RBFOX3: variants seen among roughly 807,000 people sequenced by gnomAD.
RBFOX3 encodes the protein RNA binding fox-1 homolog 3.
In RBFOX3, 17 loss-of-function variants were observed where a neutral mutation model predicts 48.7. That is an observed-to-expected ratio of 0.35 (90% CI 0.24 to 0.52). RBFOX3 has a LOEUF of 0.52. RBFOX3 is among the 20% of genes least tolerant of loss of function. The probability of loss-of-function intolerance (pLI) is 0.94; values close to 1 mark genes in which losing one functional copy is unlikely to be tolerated. For synonymous variants in RBFOX3, 212 were observed against 209.5 expected, an observed-to-expected ratio of 1.01 and a Z score of -0.10; for missense variants, 382 against 497.5, an observed-to-expected ratio of 0.77 and a Z score of 2.21.
chr17:79,276,730 A>C (rs1299971304), intron 3 of RBFOX3, among the ~76,000 whole-genome samples: 1 of 152,146 alleles, frequency 6.6e-6, no homozygotes, highest in African/African-American at 2.4e-5. Context: ...AACCAAAACC[A>C]AAAATCAAGA....
chr17:79,128,457 C>T (rs2037911458), intron 4 of RBFOX3, among the ~76,000 whole-genome samples: 1 of 152,140 alleles, frequency 6.6e-6, no homozygotes. Context: ...GGCAGGGGGA[C>T]AGGAGGGCCC....
chr17:79,174,406 A>T (rs888978767), intron 4 of RBFOX3, among the ~76,000 whole-genome samples: 9 of 151,658 alleles, frequency 5.9e-5, no homozygotes, highest in African/African-American at 2.2e-4. Context: ...TCTCACACTC[A>T]GACACGCACA....
the RBFOX3 span, among the ~76,000 whole-genome samples, chr17:79,619,893 T>C: frequency 6.6e-6 from 1 of 152,206 alleles, no homozygotes; most frequent in East Asian, 1.9e-4. Flanking sequence ...AGGTTGGAGT[T>C]CAGACCTACC....
chr17:79,552,348 A>T (rs1173160071), intron 1 of RBFOX3, among the ~76,000 whole-genome samples: 3 of 152,232 alleles, frequency 2.0e-5, no homozygotes, highest in African/African-American at 7.2e-5. Context: ...TAAATGACTT[A>T]AAATAATGGC....
intron 4 of RBFOX3, among the ~76,000 whole-genome samples, chr17:79,123,644 T>C (rs917697404): frequency 6.6e-6 from 1 of 150,946 alleles, no homozygotes; most frequent in African/African-American, 2.4e-5. Flanking sequence ...CTGACCAAGC[T>C]CTAGTGTACC....
At chr17:79,256,146 A>G (rs1378907) in intron 3 of RBFOX3, among the ~76,000 whole-genome samples, 147,685 of 151,860 alleles carry the variant, frequency 0.97, 71,948 homozygotes, top group Middle Eastern at 1. Context: ...CCAGGTGTGC[A>G]CCCCCGCCTT....
At chr17:79,118,816 A>AT (rs916196849) in intron 4 of RBFOX3, among the ~76,000 whole-genome samples, 1 of 33,128 alleles carries the variant, frequency 3.0e-5, no homozygotes, top group African/African-American at 1.1e-4. Flanking sequence ...ACAAAAAATA[A>AT]AAAAAAAAAA....
At chr17:79,567,474 C>A (rs879092614) in intron 1 of RBFOX3, among the ~76,000 whole-genome samples, 1 of 151,998 alleles carries the variant, frequency 6.6e-6, no homozygotes, top group South Asian at 2.1e-4. Flanking sequence ...CGTGAGCCAC[C>A]GCACCCAGCC....
chr17:79,324,751 C>A (rs2079052008), intron 2 of RBFOX3, among the ~76,000 whole-genome samples: 1 of 152,218 alleles, frequency 6.6e-6, no homozygotes. Flanking sequence ...CGGCCACAAG[C>A]CAACACCTGG....
At chr17:79,320,031 G>A (rs1308699230) in intron 2 of RBFOX3, among the ~76,000 whole-genome samples, 2 of 151,874 alleles carry the variant, frequency 1.3e-5, no homozygotes, top group Admixed American at 1.3e-4. Flanking sequence ...TGGGCTGCTG[G>A]TCTATGTCTG....
At chr17:79,546,559 G>A (rs12603879) in intron 1 of RBFOX3, among the ~76,000 whole-genome samples, 1 of 145,832 alleles carries the variant, frequency 6.9e-6, no homozygotes, top group Non-Finnish European at 1.5e-5. Context: ...TCTGTAGCCC[G>A]CTCCACGCCC....
At chr17:79,489,751 C>G (rs2080212602) in intron 1 of RBFOX3, among the ~76,000 whole-genome samples, 1 of 152,216 alleles carries the variant, frequency 6.6e-6, no homozygotes. Context: ...TTTTCTTACA[C>G]TAGCTTCTCC....
At chr17:79,587,816 A>G (rs888875028) in intron 1 of RBFOX3, among the ~76,000 whole-genome samples, 23 of 152,318 alleles carry the variant, frequency 1.5e-4, no homozygotes, top group African/African-American at 5.5e-4. Flanking sequence ...AGACGGAGCT[A>G]CTTCACGGGA....
At chr17:79,452,898 G>A (rs1457665615) in intron 2 of RBFOX3, among the ~76,000 whole-genome samples, 1 of 152,200 alleles carries the variant, frequency 6.6e-6, no homozygotes, top group Non-Finnish European at 1.5e-5. Context: ...TGGAGAGGAA[G>A]CAGCACCGTG....
At chr17:79,509,711 G>C (rs1398749547) in intron 1 of RBFOX3, among the ~76,000 whole-genome samples, 2 of 151,806 alleles carry the variant, frequency 1.3e-5, no homozygotes, top group African/African-American at 2.4e-5. Context: ...TCGCACCCCA[G>C]GCCCTCGGTG....
intron 4 of RBFOX3, among the ~76,000 whole-genome samples, chr17:79,131,582 G>T (rs1795958): frequency 0.58 from 87,526 of 152,134 alleles, 26,028 homozygotes; most frequent in Non-Finnish European, 0.62. Flanking sequence ...TCTCTCACAC[G>T]TTAGGAAGCC....
intron 1 of RBFOX3, among the ~76,000 whole-genome samples, chr17:79,559,942 A>G (rs2092094266): frequency 7.5e-6 from 1 of 132,984 alleles, no homozygotes; most frequent in Non-Finnish European, 1.6e-5. Context: ...GGGTAGGTGG[A>G]TGGTCGGTGG....
rs1281442722 is a variant in RBFOX3, at chr17:79,220,615, G to GT, written c.-34+15150dup. Among the ~76,000 whole-genome samples the GT allele has an allele frequency of 6.6e-6, 1 of 151,954 alleles. No individual in the cohort carries two copies. The highest frequency in any genetic ancestry group is 1.5e-5 in the Non-Finnish European group (1 of 68,002). The stretch of plus-strand genomic sequence containing the variant: ...CAGGGGAGGGTGTGTGTGTGTGTGT[G>GT]TCGGGGGGACACAAAACCTTCCAGC... On this transcript the variant is annotated intron_variant, in intron 4 of 14. Transcript: ENST00000693108. The surrounding 1 kb of genome is among the most constrained non-coding windows in gnomAD (Gnocchi z 5.9).
Position 79,103,043 on chromosome 17 carries a change from G to A in RBFOX3, c.507+119C>T. Reference sequence around the variant, plus strand: ...TAGTGCGACCCTTCCTCCCACCCCAGGGAACCCTGGCCAGGCTCTCTGAAG... The same window carrying A: ...TAGTGCGACCCTTCCTCCCACCCCAAGGAACCCTGGCCAGGCTCTCTGAAG... On this transcript the variant is annotated intron_variant, in intron 8 of 14. Transcript: ENST00000693108. This position sits in a 1 kb window ranked among gnomAD's most constrained non-coding sequence, Gnocchi z 6.1. 1.3e-6 allele frequency: 1 copy of A among 758,910 alleles called. No individual in the cohort carries two copies. Among genetic ancestry groups the A allele is most frequent in the South Asian group, 1.7e-5 (1 of 60,012 alleles). 47.0% of individuals were successfully genotyped at this position (758,910 alleles called of 1,614,324 possible).
Sources: allele counts gnomAD v4.1 joint callset (sites outside exome capture counted in the v4.1 genomes callset), GRCh38; gene constraint gnomAD v4.1.1; non-coding constraint Gnocchi (gnomAD v3.1); transcripts MANE v1.5; gene names NCBI Gene and HGNC (gene_info 2026-07-23, HGNC 2026-07-21).